CAST: variants seen among roughly 807,000 people sequenced by gnomAD.
CAST encodes the protein MIR583 host.
CAST carries 76 observed loss-of-function variants against 119.6 expected under a neutral mutation model. The ratio of observed to expected loss-of-function variants is 0.64; its 90% CI spans 0.53 to 0.77. CAST has a LOEUF of 0.77. Among genes scored for constraint, CAST ranks in the 30% least tolerant of loss-of-function variants. CAST has a pLI of 0.00. For synonymous variants in CAST, 319 were observed against 331.6 expected (o/e 0.96, Z 0.41); for missense variants, 953 against 946.5 (o/e 1.01, Z -0.09).
chr5:96,296,501 A>G, the CAST span, among the ~76,000 whole-genome samples: 1 of 152,136 alleles, frequency 6.6e-6, no homozygotes, highest in Non-Finnish European at 1.5e-5. Flanking sequence ...TTCTTTGCAA[A>G]TTATTTTCTG....
the CAST span, among the ~76,000 whole-genome samples, chr5:96,203,149 T>C: frequency 2.0e-5 from 3 of 150,426 alleles, no homozygotes; most frequent in Non-Finnish European, 4.5e-5. Flanking sequence ...TGCACAACCT[T>C]TTTTTTTTAC....
the CAST span, among the ~76,000 whole-genome samples, chr5:96,025,323 C>T: frequency 1.3e-5 from 2 of 152,060 alleles, no homozygotes; most frequent in Non-Finnish European, 2.9e-5. Flanking sequence ...TGGTGGGAAG[C>T]AGGGAGAGGA....
the CAST span, among the ~76,000 whole-genome samples, chr5:96,360,558 T>A: frequency 3.4e-3 from 511 of 152,268 alleles, 4 homozygotes; most frequent in South Asian, 0.034. Flanking sequence ...TCCTTTCTGT[T>A]TGTTAGTTTT....
chr5:96,247,614 A>T, the CAST span, among the ~76,000 whole-genome samples: 1 of 152,208 alleles, frequency 6.6e-6, no homozygotes, highest in African/African-American at 2.4e-5. Context: ...CCCTCTAAGG[A>T]TATCAGCAAT....
the CAST span, among the ~76,000 whole-genome samples, chr5:96,285,528 C>A: frequency 6.6e-6 from 1 of 152,110 alleles, no homozygotes; most frequent in East Asian, 1.9e-4. Flanking sequence ...GGCCCTATTT[C>A]CCCCACCATT....
chr5:96,199,003 G>A, the CAST span, among the ~76,000 whole-genome samples: 2 of 152,060 alleles, frequency 1.3e-5, no homozygotes, highest in African/African-American at 2.4e-5. Context: ...AGAGGTGAAG[G>A]TTTAAAGAAA....
chr5:96,387,651 T>G, the CAST span, among the ~76,000 whole-genome samples: 2 of 152,194 alleles, frequency 1.3e-5, no homozygotes, highest in African/African-American at 4.8e-5. Flanking sequence ...AATGATACTC[T>G]TTTCTATGAA....
chr5:96,580,210 TA>T (rs974369504), intron 1 of CAST, among the ~76,000 whole-genome samples: 43 of 152,340 alleles, frequency 2.8e-4, no homozygotes, highest in African/African-American at 9.6e-4. Flanking sequence ...TTAAAAATTT[TA>T]TATTAATTTC....
the CAST span, among the ~76,000 whole-genome samples, chr5:96,484,637 T>C: frequency 1.5e-4 from 23 of 152,304 alleles, no homozygotes; most frequent in South Asian, 2.9e-3. Context: ...TTCTAACCTA[T>C]GTGATTGTAA....
At chr5:96,328,045 G>C in the CAST span, among the ~76,000 whole-genome samples, 3 of 152,166 alleles carry the variant, frequency 2.0e-5, no homozygotes, top group African/African-American at 7.2e-5. Context: ...TCTGAAATGA[G>C]GACACATGTA....
chr5:96,742,085 A>G (rs75795977), intron 15 of CAST: 91 of 161,072 alleles, frequency 5.6e-4, no homozygotes, highest in African/African-American at 2.1e-3. Flanking sequence ...AACGGTTTCT[A>G]TCAGAGCAGC....
chr5:96,139,398 A>G, the CAST span, among the ~76,000 whole-genome samples: 71 of 151,528 alleles, frequency 4.7e-4, no homozygotes, highest in African/African-American at 1.5e-3. Flanking sequence ...TCCACTTACT[A>G]GTTACCTAAT....
chr5:96,534,754 AAAG>A (rs1745761772), intron 1 of CAST, among the ~76,000 whole-genome samples: 1 of 61,602 alleles, frequency 1.6e-5, no homozygotes. Flanking sequence ...AGAAAGAAAG[AAAG>A]AAAGAAAGAA....
At chr5:96,165,101 G>C in the CAST span, among the ~76,000 whole-genome samples, 1 of 152,146 alleles carries the variant, frequency 6.6e-6, no homozygotes, top group Admixed American at 6.5e-5. Context: ...GCCTCCGAGA[G>C]CGGTCAGATA....
chr5:96,555,731 C>A (rs1746225871), intron 1 of CAST, among the ~76,000 whole-genome samples: 1 of 152,210 alleles, frequency 6.6e-6, no homozygotes, highest in Non-Finnish European at 1.5e-5. Context: ...GGCCAGGAAG[C>A]TCAAACTGGG....
At chr5:96,162,651 G>A in the CAST span, among the ~76,000 whole-genome samples, 2 of 152,086 alleles carry the variant, frequency 1.3e-5, no homozygotes, top group African/African-American at 2.4e-5. Context: ...CTCCTGACCC[G>A]AGGTAATCCA....
At chr5:96,615,420 GTC>G (rs994359876) in intron 1 of CAST, among the ~76,000 whole-genome samples, 25 of 152,342 alleles carry the variant, frequency 1.6e-4, no homozygotes, top group Non-Finnish European at 2.8e-4. Flanking sequence ...AGTCAGCACT[GTC>G]TGTGCTGCTG....
chr5:96,487,462 T>C, the CAST span, among the ~76,000 whole-genome samples: 13 of 152,258 alleles, frequency 8.5e-5, no homozygotes, highest in African/African-American at 2.7e-4. Context: ...AGTTTCATCA[T>C]AAATTAATAC....
At chr5:96,647,298 C>A (rs1580857509) in intron 1 of CAST, among the ~76,000 whole-genome samples, 1 of 152,320 alleles carries the variant, frequency 6.6e-6, no homozygotes, top group Admixed American at 6.5e-5. Flanking sequence ...AGATCATACA[C>A]TGAGGATGAC....
Sources: gnomAD v4.1 joint callset for allele counts (sites outside exome capture counted in the v4.1 genomes callset) on GRCh38, gnomAD v4.1.1 for gene constraint, MANE v1.5 for transcripts, NCBI Gene and HGNC (gene_info 2026-07-23, HGNC 2026-07-21) for gene names.